The following PARM1 variants were observed in gnomAD, a reference collection of about 807,000 sequenced individuals.
The protein encoded by PARM1 is prostate androgen-regulated mucin-like protein 1, also known as WSC4, cell wall integrity and stress response component 4 homolog.
A neutral mutation model predicts 24.6 loss-of-function variants in PARM1; 14 were observed. That is an observed-to-expected ratio of 0.57 (90% CI 0.38 to 0.89). PARM1 has a LOEUF of 0.89. PARM1 is among the 40% of genes least tolerant of loss of function. The pLI, the probability that PARM1 is intolerant of heterozygous loss-of-function variation, is 0.00. For synonymous variants in PARM1, 179 were observed against 156.6 expected, an observed-to-expected ratio of 1.14 and a Z score of -1.07; for missense variants, 362 against 380.4, an observed-to-expected ratio of 0.95 and a Z score of 0.40.
At chr4:75,040,297 T>C (rs1036266193) in intron 3 of PARM1, among the ~76,000 whole-genome samples, 1 of 152,208 alleles carries the variant, frequency 6.6e-6, no homozygotes, top group Non-Finnish European at 1.5e-5. Context: ...GTAGACCTTT[T>C]CTGTGATGAT....
chr4:75,020,825 C>T (rs1723076157), intron 2 of PARM1, among the ~76,000 whole-genome samples: 1 of 152,212 alleles, frequency 6.6e-6, no homozygotes, highest in African/African-American at 2.4e-5. Flanking sequence ...CCCATCACTT[C>T]ACCTGGTTAA....
intron 1 of PARM1, among the ~76,000 whole-genome samples, chr4:74,978,376 T>C (rs77449500): frequency 0.011 from 1,641 of 152,294 alleles, 39 homozygotes; most frequent in African/African-American, 0.038. Flanking sequence ...AAGAAGGTCA[T>C]AATGGTAAAG....
chr4:74,933,570 G>A (rs1308279946), intron 1 of PARM1, among the ~76,000 whole-genome samples, 200 bp downstream of exon 1: 1 of 152,154 alleles, frequency 6.6e-6, no homozygotes, highest in African/African-American at 2.4e-5. Context: ...GGACGATGGG[G>A]TCCTTCCTGC....
intron 1 of PARM1, among the ~76,000 whole-genome samples, chr4:74,975,359 T>A (rs1722123097): frequency 6.6e-6 from 1 of 152,238 alleles, no homozygotes; most frequent in Admixed American, 6.5e-5. Flanking sequence ...ACAAAACAAA[T>A]AATAGGATGT....
At chr4:75,029,919 A>G (rs756226903) in intron 2 of PARM1, among the ~76,000 whole-genome samples, 3 of 152,182 alleles carry the variant, frequency 2.0e-5, no homozygotes, top group Non-Finnish European at 4.4e-5. Flanking sequence ...AGCTAAAAGT[A>G]TATTTGTTTA....
At chr4:74,971,164 C>T (rs1332417097) in intron 1 of PARM1, among the ~76,000 whole-genome samples, 6 of 152,198 alleles carry the variant, frequency 3.9e-5, no homozygotes, top group Admixed American at 1.3e-4. Flanking sequence ...GTTTAATGGA[C>T]TCACAGTTCC....
At chr4:74,992,668 G>T (rs933668927) in intron 1 of PARM1, among the ~76,000 whole-genome samples, 2 of 152,162 alleles carry the variant, frequency 1.3e-5, no homozygotes, top group East Asian at 1.9e-4. Flanking sequence ...AATGGAAACA[G>T]TGCAAGTGAG....
intron 1 of PARM1, among the ~76,000 whole-genome samples, chr4:75,006,556 G>T (rs1722773554): frequency 6.6e-6 from 1 of 152,024 alleles, no homozygotes; most frequent in Admixed American, 6.5e-5. Flanking sequence ...TGGACATTTG[G>T]GTTGGTTCCA....
At chr4:75,038,316 T>C (rs947463771) in intron 3 of PARM1, among the ~76,000 whole-genome samples, 1 of 152,236 alleles carries the variant, frequency 6.6e-6, no homozygotes, top group African/African-American at 2.4e-5. Context: ...GATTAAATTA[T>C]GATACATATA....
chr4:74,950,475 C>T (rs1350256103), intron 1 of PARM1, among the ~76,000 whole-genome samples: 1 of 152,120 alleles, frequency 6.6e-6, no homozygotes, highest in African/African-American at 2.4e-5. Context: ...ACCAGTCATC[C>T]AGTCATATTG....
intron 1 of PARM1, among the ~76,000 whole-genome samples, chr4:75,012,035 C>T (rs1426557999): frequency 6.6e-6 from 1 of 152,184 alleles, no homozygotes; most frequent in African/African-American, 2.4e-5. Context: ...TCCACACTCC[C>T]ATCGTTCCTA....
rs183236874 is a variant in PARM1, at chr4:75,028,209, G to C, written c.770-5674G>C. On this transcript the variant is annotated intron_variant, in intron 2 of 3. Transcript: ENST00000307428. ...GTCGTTGATTTCTCCTGCTATTACTGTTGTTCTTTGGAGGAAGGAGACATG... is the reference window on the plus strand; with the variant it reads ...GTCGTTGATTTCTCCTGCTATTACTCTTGTTCTTTGGAGGAAGGAGACATG... Among the ~76,000 whole-genome samples, 4 of 152,314 alleles carry C rather than the reference G, an allele frequency of 2.6e-5. No homozygotes were observed. In the East Asian group the frequency reaches 5.8e-4, roughly 22 times the overall value.
At chr4:75,023,756 G>A (rs1006616708) in intron 2 of PARM1, among the ~76,000 whole-genome samples, 5 of 152,176 alleles carry the variant, frequency 3.3e-5, no homozygotes, top group Non-Finnish European at 7.3e-5. Flanking sequence ...TTCTAGCTAA[G>A]AGAAAGGCAA....
At chr4:74,940,796 T>C (rs1721290600) in intron 1 of PARM1, among the ~76,000 whole-genome samples, 2 of 152,240 alleles carry the variant, frequency 1.3e-5, no homozygotes. Flanking sequence ...CAGTAACAAT[T>C]ATTTTAAAGA....
intron 1 of PARM1, among the ~76,000 whole-genome samples, chr4:74,996,446 G>A (rs1301597415): frequency 6.6e-6 from 1 of 152,182 alleles, no homozygotes; most frequent in Admixed American, 6.5e-5. Context: ...AAACCTGACC[G>A]GTGCTATTGG....
chr4:75,012,984 C>A lies in PARM1; in HGVS notation c.603C>A (p.Ser201Arg). The A allele has an allele frequency of 6.2e-7, 1 of 1,614,036 alleles. No individual in the cohort carries two copies. The highest frequency in any genetic ancestry group is 1.3e-5 in the African/African-American group (1 of 75,054). Residue 201 changes from serine to arginine, a missense_variant, in exon 2 of 4, where the codon AGC becomes AGA. Physicochemically the swap from Ser to Arg is moderately radical, Grantham distance 110 (BLOSUM62 -1). Coordinates refer to ENST00000307428, the MANE Select transcript of PARM1 (RefSeq NM_015393.4). ...CAGAGTCCCCGACAGAGGAGTCCAGCTCTGACCACACACCCACTTCACATG... is the reference window on the plus strand; with the variant it reads ...CAGAGTCCCCGACAGAGGAGTCCAGATCTGACCACACACCCACTTCACATG... ...TAPESPTEES[S>R]SDHTPTSHAT... is the part of the protein sequence containing the mutation.
intron 1 of PARM1, among the ~76,000 whole-genome samples, chr4:74,977,645 A>G (rs997634371): frequency 2.0e-5 from 3 of 152,220 alleles, no homozygotes; most frequent in Non-Finnish European, 4.4e-5. Context: ...GAGAAAAATC[A>G]ACTCCAAGAC....
chr4:74,999,821 C>G (rs1722643172), intron 1 of PARM1, among the ~76,000 whole-genome samples: 1 of 152,196 alleles, frequency 6.6e-6, no homozygotes, highest in African/African-American at 2.4e-5. Context: ...AGTGCTGCTT[C>G]CTCTGCTTCT....
At chr4:74,983,208 G>T (rs1441676095) in intron 1 of PARM1, among the ~76,000 whole-genome samples, 1 of 152,178 alleles carries the variant, frequency 6.6e-6, no homozygotes, top group Non-Finnish European at 1.5e-5. Flanking sequence ...TATCTCAGTA[G>T]GTAGTAGATT....
Sources: gnomAD v4.1 joint callset for allele counts (sites outside exome capture counted in the v4.1 genomes callset) on GRCh38, gnomAD v4.1.1 for gene constraint, MANE v1.5 for transcripts, NCBI Gene and HGNC (gene_info 2026-07-23, HGNC 2026-07-21) for gene names.